Variants in CPA4 observed in about 807,000 individuals in gnomAD.
CPA4 encodes carboxypeptidase A4, also known as carboxypeptidase A3.
In CPA4, 49 loss-of-function variants were observed where a neutral mutation model predicts 54.7. The observed-to-expected ratio is 0.90, with a 90% confidence interval of 0.71 to 1.14. CPA4 has a LOEUF of 1.14. Ranked by LOEUF, CPA4 falls within the 50% of genes most tolerant of loss-of-function variation. The pLI, the probability that CPA4 is intolerant of heterozygous loss-of-function variation, is 0.00. For missense variants in CPA4, 487 were observed against 525.1 expected, an observed-to-expected ratio of 0.93 and a Z score of 0.71; for synonymous variants, 215 against 206.8, an observed-to-expected ratio of 1.04 and a Z score of -0.34.
chr7:130,300,633 C>T (rs1480732069), intron 3 of CPA4, among the ~76,000 whole-genome samples, 183 bp from the exon 4 acceptor site: 1 of 152,028 alleles, frequency 6.6e-6, no homozygotes, highest in Non-Finnish European at 1.5e-5. Flanking sequence ...CCTGCCCAGC[C>T]AAGAAATAAA....
In CPA4 at chr7:130,304,506, C is replaced by T; in HGVS notation, c.413C>T (p.Ala138Val). Residue 138 changes from alanine (A) to valine (V), a missense_variant, in exon 5 of 11, where the codon GCA becomes GTA. By Grantham distance (64) the Ala-to-Val change is moderately conservative. Transcript: ENST00000222482. ...AIYHEMDNIA[A>V]DFPDLARRVK... ...TACCACGAGATGGACAACATTGCCG[C>T]AGACTTTCCTGACCTGGCGAGGAGG... The T allele has an allele frequency of 6.2e-7, 1 of 1,613,064 alleles. No homozygotes were observed. Among genetic ancestry groups the T allele is most frequent in the Non-Finnish European group, 8.5e-7 (1 of 1,178,968 alleles).
At chr7:130,307,407 G>A (rs556161004) in intron 7 of CPA4, among the ~76,000 whole-genome samples, 55 of 152,144 alleles carry the variant, frequency 3.6e-4, no homozygotes, top group Non-Finnish European at 6.0e-4. Context: ...CGAGGTGGGC[G>A]GATCATGAGG....
chr7:130,300,683 AC>A (rs1793726285), intron 3 of CPA4, 132 bp from the exon 4 acceptor site: 3 of 611,258 alleles, frequency 4.9e-6, no homozygotes, highest in Non-Finnish European at 8.8e-6. Context: ...CCCCTTTTAA[AC>A]CTTGACATTT....
intron 10 of CPA4, among the ~76,000 whole-genome samples, chr7:130,315,577 A>T (rs2117159541): frequency 6.6e-6 from 1 of 152,268 alleles, no homozygotes; most frequent in East Asian, 1.9e-4. Flanking sequence ...GATTGAAAAG[A>T]AAGAGGCACC....
At chr7:130,309,815 G>T (rs909468203) in intron 8 of CPA4, among the ~76,000 whole-genome samples, 1 of 152,138 alleles carries the variant, frequency 6.6e-6, no homozygotes, top group Non-Finnish European at 1.5e-5. Context: ...ATCCAGGCTG[G>T]AGTGCAGTGG....
rs147861630 is a variant in CPA4, at chr7:130,310,815, C to T, written c.822C>T (p.Ser274=). 3.3e-5 allele frequency: 53 copies of T among 1,614,194 alleles called. No homozygotes were observed. The highest frequency in any genetic ancestry group is 1.6e-4 in the Middle Eastern group (1 of 6,062). ...AGGGAGCCAGCGACAACCCTTGCTC[C>T]GAAGTGTACCATGGACCCCACGCCA... is the stretch of plus-strand genomic sequence containing the variant. ...AGKGASDNPC[S]EVYHGPHANS... is the part of the protein sequence containing the mutation. The change falls in exon 9 of 11, where the codon TCC becomes TCT. Residue 274 remains serine (S), a synonymous_variant. Coordinates refer to ENST00000222482, the MANE Select transcript of CPA4 (RefSeq NM_016352.4). This position sits in a 1 kb window ranked among gnomAD's most constrained non-coding sequence, Gnocchi z 4.3.
At chr7:130,320,702 C>T (rs905185559) in intron 10 of CPA4, among the ~76,000 whole-genome samples, 8 of 152,244 alleles carry the variant, frequency 5.3e-5, no homozygotes, top group Non-Finnish European at 7.3e-5. Context: ...TAGATTGCAG[C>T]TCTGCCATTT....
chr7:130,317,220 A>G (rs1794002818), intron 10 of CPA4, among the ~76,000 whole-genome samples: 1 of 152,248 alleles, frequency 6.6e-6, no homozygotes, highest in African/African-American at 2.4e-5. Flanking sequence ...TTGTTTAGAC[A>G]GACAAATACT....
At chr7:130,311,047 G>A (rs1420944542) in intron 9 of CPA4, 61 bp downstream of exon 9, 1 of 1,356,630 alleles carries the variant, frequency 7.4e-7, no homozygotes, top group Non-Finnish European at 1.1e-6. Flanking sequence ...GCGCTGCTAA[G>A]GTGGTAGCTC....
Position 130,295,571 on chromosome 7 carries a change from G to A in CPA4, c.68+2323G>A, listed in dbSNP as rs116148184. 4.6e-5 allele frequency among the ~76,000 whole-genome samples: 7 copies of A among 152,306 alleles called. No individual in the cohort carries two copies. The South Asian group carries it at 8.3e-4, about 18-fold the overall frequency. ...ACCATCTTGAGCCTCATGAACTGACGAGGGCATTTTTCAAATACAGACAAG... is the reference window on the plus strand; with the variant it reads ...ACCATCTTGAGCCTCATGAACTGACAAGGGCATTTTTCAAATACAGACAAG... On this transcript the variant is annotated intron_variant, in intron 1 of 10. Coordinates refer to ENST00000222482, the MANE Select transcript of CPA4 (RefSeq NM_016352.4).
intron 4 of CPA4, among the ~76,000 whole-genome samples, chr7:130,303,298 A>G (rs1288798826): frequency 6.6e-6 from 1 of 152,162 alleles, no homozygotes; most frequent in Non-Finnish European, 1.5e-5. Flanking sequence ...TTAGCCGTTT[A>G]TTTACCTTTC....
At chr7:130,298,379 C>G (rs1481345319) in intron 1 of CPA4, among the ~76,000 whole-genome samples, 2 of 152,096 alleles carry the variant, frequency 1.3e-5, no homozygotes, top group East Asian at 3.8e-4. Context: ...AAAACAGATA[C>G]AAGGGGGAAA....
chr7:130,301,702 G>A (rs918849025), intron 4 of CPA4, among the ~76,000 whole-genome samples: 2 of 152,136 alleles, frequency 1.3e-5, no homozygotes, highest in African/African-American at 2.4e-5. Flanking sequence ...ACTTTGAGTC[G>A]TTTCTCTTCT....
chr7:130,297,388 T>A (rs560980168), intron 1 of CPA4, among the ~76,000 whole-genome samples: 1 of 152,306 alleles, frequency 6.6e-6, no homozygotes, highest in East Asian at 1.9e-4. Context: ...GACTGAGACC[T>A]GCCCACCCAG....
At chr7:130,294,576 CTA>C (rs1180809988) in intron 1 of CPA4, among the ~76,000 whole-genome samples, 6 of 152,224 alleles carry the variant, frequency 3.9e-5, no homozygotes, top group Non-Finnish European at 8.8e-5. Context: ...TGAAAAATCT[CTA>C]TTTCGCAAGA....
chr7:130,300,216 G>T (rs1793717130), intron 3 of CPA4, among the ~76,000 whole-genome samples: 1 of 152,158 alleles, frequency 6.6e-6, no homozygotes, highest in Admixed American at 6.5e-5. Context: ...CTGGATACCA[G>T]ATGCGGGCTG....
At chr7:130,318,406 A>C (rs1562933376) in intron 10 of CPA4, among the ~76,000 whole-genome samples, 1 of 152,020 alleles carries the variant, frequency 6.6e-6, no homozygotes, top group Non-Finnish European at 1.5e-5. Context: ...TAAAATTTCT[A>C]CCTTTTCTTT....
intron 10 of CPA4, among the ~76,000 whole-genome samples, chr7:130,315,640 G>A (rs1562932494): frequency 6.6e-6 from 1 of 152,126 alleles, no homozygotes; most frequent in South Asian, 2.1e-4. Flanking sequence ...ATAGAAATTC[G>A]ATTGTTGGAT....
intron 10 of CPA4, among the ~76,000 whole-genome samples, chr7:130,317,400 A>G (rs1794005920): frequency 6.6e-6 from 1 of 152,184 alleles, no homozygotes; most frequent in South Asian, 2.1e-4. Context: ...TTGTGAAGTG[A>G]TGCATGGCTG....
Sources: gnomAD v4.1 joint callset for allele counts (sites outside exome capture counted in the v4.1 genomes callset) on GRCh38, gnomAD v4.1.1 for gene constraint, Gnocchi (gnomAD v3.1) non-coding constraint, MANE v1.5 for transcripts, NCBI Gene and HGNC (gene_info 2026-07-23, HGNC 2026-07-21) for gene names.